ANXA5: variants seen among roughly 807,000 people sequenced by gnomAD.
The protein encoded by ANXA5 is CBP-I.
ANXA5 carries 40 observed loss-of-function variants against 48.1 expected under a neutral mutation model. The ratio of observed to expected loss-of-function variants is 0.83; its 90% CI spans 0.65 to 1.08. ANXA5 has a LOEUF of 1.08. Ranked by LOEUF, ANXA5 falls within the 50% of genes least tolerant of loss-of-function variation. The pLI, the probability that ANXA5 is intolerant of heterozygous loss-of-function variation, is 0.00. For missense variants in ANXA5, 357 were observed against 376.8 expected (o/e 0.95, Z 0.44); for synonymous variants, 113 against 129.1 (o/e 0.88, Z 0.85).
intron 2 of ANXA5, among the ~76,000 whole-genome samples, chr4:121,689,796 A>G (rs2110490385): frequency 6.6e-6 from 1 of 152,334 alleles, no homozygotes; most frequent in East Asian, 1.9e-4. Context: ...CGACTGTGCA[A>G]GAGTGACAAG....
intron 8 of ANXA5, among the ~76,000 whole-genome samples, chr4:121,676,482 T>C (rs1724700082): frequency 6.6e-6 from 1 of 152,298 alleles, no homozygotes; most frequent in South Asian, 2.1e-4. Context: ...GGTTTGTTTC[T>C]TTATCCATAA....
intron 8 of ANXA5, among the ~76,000 whole-genome samples, chr4:121,675,798 T>A (rs953385368): frequency 6.6e-6 from 1 of 152,134 alleles, no homozygotes; most frequent in African/African-American, 2.4e-5. Flanking sequence ...ACCCATAGAA[T>A]CAGAATCTGC....
intron 8 of ANXA5, among the ~76,000 whole-genome samples, chr4:121,677,123 G>A (rs943523038): frequency 3.3e-5 from 5 of 152,102 alleles, no homozygotes; most frequent in African/African-American, 9.7e-5. Context: ...CATATCCATG[G>A]GTTGTTCCAC....
chr4:121,690,836 T>A (rs1367696705), intron 2 of ANXA5, among the ~76,000 whole-genome samples: 1 of 152,190 alleles, frequency 6.6e-6, no homozygotes, highest in African/African-American at 2.4e-5. Context: ...GTGAAACACT[T>A]TTGCTACATT....
intron 2 of ANXA5, among the ~76,000 whole-genome samples, chr4:121,692,264 T>G (rs551499954): frequency 6.6e-4 from 101 of 152,332 alleles, no homozygotes; most frequent in South Asian, 1.7e-3. Flanking sequence ...GATAACAAAG[T>G]GAAGATTTGT....
intron 4 of ANXA5, among the ~76,000 whole-genome samples, chr4:121,684,246 CAAATA>C (rs200724804): frequency 0.017 from 2,522 of 152,026 alleles, 34 homozygotes; most frequent in Middle Eastern, 0.051. Flanking sequence ...AATTATTAAT[CAAATA>C]AAAGCATTTA....
intron 4 of ANXA5, 22 bp downstream of exon 4, chr4:121,684,655 T>G: frequency 1.3e-6 from 2 of 1,599,146 alleles, no homozygotes; most frequent in South Asian, 2.2e-5. Flanking sequence ...CCATTCTCTC[T>G]TGGGATGAAG....
chr4:121,669,054 G>GAAA (rs35301456), intron 12 of ANXA5, among the ~76,000 whole-genome samples: 2 of 141,806 alleles, frequency 1.4e-5, no homozygotes, highest in African/African-American at 2.7e-5. Context: ...ACCTTTACTG[G>GAAA]AAAAAAAAAA....
intron 2 of ANXA5, among the ~76,000 whole-genome samples, chr4:121,688,189 C>A (rs1724924888): frequency 6.6e-6 from 1 of 152,098 alleles, no homozygotes; most frequent in Admixed American, 6.6e-5. Flanking sequence ...ATGCTGGCAC[C>A]CTGAGACTTC....
intron 12 of ANXA5, 183 bp downstream of exon 12, chr4:121,669,419 C>CA: frequency 1.4e-6 from 1 of 716,432 alleles, no homozygotes; most frequent in Non-Finnish European, 2.3e-6. Context: ...CCCATGCTTT[C>CA]ACTTGGGAGC....
intron 8 of ANXA5, among the ~76,000 whole-genome samples, chr4:121,676,690 T>C (rs1368450116): frequency 1.7e-5 from 2 of 120,590 alleles, no homozygotes; most frequent in Admixed American, 8.7e-5. Context: ...CGGGGGGGGG[T>C]ATGGTTTTCC....
At chr4:121,681,561 T>C in intron 6 of ANXA5, 110 bp downstream of exon 6, 1 of 598,468 alleles carries the variant, frequency 1.7e-6, no homozygotes. Context: ...CATTCATTCA[T>C]CCATCATTTA....
At chr4:121,677,227 A>T (rs1290962240) in intron 8 of ANXA5, among the ~76,000 whole-genome samples, 1 of 152,220 alleles carries the variant, frequency 6.6e-6, no homozygotes, top group African/African-American at 2.4e-5. Context: ...GACCAGAAAG[A>T]GGTCTATGAT....
At chr4:121,678,168 C>T (rs1337469013) in intron 7 of ANXA5, 6 of 606,264 alleles carry the variant, frequency 9.9e-6, no homozygotes, top group South Asian at 2.1e-5. Flanking sequence ...AACAAGATAC[C>T]GCTATCATTC....
chr4:121,683,355 C>A lies in ANXA5; in HGVS notation c.303+9G>T. Reference sequence around the variant, plus strand: ...ATGCAAGAATGTTCCTTTCACTCATCCTTTTTACCTTCAAGGCATGTTTCA... The same window carrying A: ...ATGCAAGAATGTTCCTTTCACTCATACTTTTTACCTTCAAGGCATGTTTCA... On this transcript the variant is annotated intron_variant, in intron 5 of 12. Transcript: ENST00000296511. The A allele has an allele frequency of 6.5e-7, 1 of 1,532,904 alleles. No homozygotes were observed. The highest frequency in any genetic ancestry group is 9.0e-7 in the Non-Finnish European group (1 of 1,114,322). The allele number at this position is 1,532,904 out of a possible 1,614,324, so 95.0% of individuals were successfully genotyped here.
intron 2 of ANXA5, among the ~76,000 whole-genome samples, chr4:121,690,367 G>A (rs1724962205): frequency 6.6e-6 from 1 of 152,154 alleles, no homozygotes; most frequent in Admixed American, 6.5e-5. Flanking sequence ...GGAGGCAAAT[G>A]TTCCAAGAGG....
chr4:121,672,109 A>G (rs1046357588), intron 9 of ANXA5, among the ~76,000 whole-genome samples: 16 of 152,166 alleles, frequency 1.1e-4, no homozygotes, highest in African/African-American at 3.9e-4. Flanking sequence ...CCACCTCTGG[A>G]AAAAAAGCCC....
chr4:121,671,678 G>A (rs1308695267), intron 9 of ANXA5, 36 bp from the exon 10 acceptor site: 1 of 1,367,282 alleles, frequency 7.3e-7, no homozygotes, highest in Admixed American at 1.7e-5. Flanking sequence ...AATCATGTAG[G>A]GATCACTCTT....
At chr4:121,681,215 T>TC (rs1724788168) in intron 6 of ANXA5, 1 of 152,484 alleles carries the variant, frequency 6.6e-6, no homozygotes, top group African/African-American at 2.4e-5. Flanking sequence ...TGCCATTAGC[T>TC]AAGACAACAT....
Sources: allele counts gnomAD v4.1 joint callset (sites outside exome capture counted in the v4.1 genomes callset), GRCh38; gene constraint gnomAD v4.1.1; transcripts MANE v1.5; gene names NCBI Gene and HGNC (gene_info 2026-07-23, HGNC 2026-07-21).